SSH2: variants seen among roughly 807,000 people sequenced by gnomAD.
SSH2 encodes slingshot protein phosphatase 2.
In SSH2, 37 loss-of-function variants were observed where a neutral mutation model predicts 135.2. The ratio of observed to expected loss-of-function variants is 0.27; its 90% CI spans 0.21 to 0.36. SSH2 has a LOEUF of 0.36. SSH2 is among the 10% of genes least tolerant of loss of function. The probability of loss-of-function intolerance (pLI) is 1.00; values close to 1 mark genes in which losing one functional copy is unlikely to be tolerated. For missense variants in SSH2, 1,408 were observed against 1,765.3 expected (o/e 0.80, Z 3.63); for synonymous variants, 628 against 646.2 (o/e 0.97, Z 0.43).
At position 29,702,940 on chromosome 17, in the gene SSH2, G is replaced by A. The variant is rs776299219; in HGVS notation, c.292+19C>T. ...AGATATAGTTACCAAGAAAGAAATG[G>A]TGTATATGCAAGCATTACCTGCATG... On this transcript the variant is annotated intron_variant, in intron 4 of 15. Transcript: ENST00000540801. 2.0e-6 allele frequency: 3 copies of A among 1,537,914 alleles called. No homozygotes were observed. Among genetic ancestry groups the A allele is most frequent in the East Asian group, 2.2e-5 (1 of 44,488 alleles).
At chr17:29,654,573 T>C (rs1035306753) in intron 12 of SSH2, among the ~76,000 whole-genome samples, 3 of 152,214 alleles carry the variant, frequency 2.0e-5, no homozygotes, top group African/African-American at 7.2e-5. Flanking sequence ...TGAGTTAGCA[T>C]GGCAAATTTC....
At chr17:29,856,045 CT>C in intron 1 of SSH2, 1 of 362,152 alleles carries the variant, frequency 2.8e-6, no homozygotes, top group Non-Finnish European at 5.3e-6. Flanking sequence ...GTGCATACTC[CT>C]TTCCCCATCA....
chr17:29,908,593 G>A (rs2066699334), intron 1 of SSH2, among the ~76,000 whole-genome samples: 2 of 151,542 alleles, frequency 1.3e-5, no homozygotes, highest in Non-Finnish European at 1.5e-5. Flanking sequence ...GGTGAACCCC[G>A]TCTCTACTAA....
At chr17:29,717,994 T>G (rs1389669945) in intron 3 of SSH2, among the ~76,000 whole-genome samples, 1 of 152,144 alleles carries the variant, frequency 6.6e-6, no homozygotes, top group African/African-American at 2.4e-5. Context: ...TGGTAGAAAA[T>G]GAGACCAAAG....
intron 3 of SSH2, among the ~76,000 whole-genome samples, chr17:29,746,431 C>T (rs1375501908): frequency 1.3e-5 from 2 of 150,552 alleles, no homozygotes; most frequent in African/African-American, 4.9e-5. Context: ...GCCTGTAATC[C>T]CAGCTACTAG....
chr17:29,920,490 A>G (rs553569601), intron 1 of SSH2, among the ~76,000 whole-genome samples: 128 of 152,348 alleles, frequency 8.4e-4, no homozygotes, highest in African/African-American at 2.9e-3. Flanking sequence ...GAGACTTGCA[A>G]TGGAACTTCT....
intron 1 of SSH2, among the ~76,000 whole-genome samples, chr17:29,866,519 A>C (rs1048278923): frequency 2.6e-5 from 4 of 152,216 alleles, no homozygotes; most frequent in African/African-American, 9.7e-5. Context: ...GTTTATACAG[A>C]CAGGGAAAAG....
chr17:29,655,172 T>C (rs956406890), intron 12 of SSH2, among the ~76,000 whole-genome samples: 4 of 152,048 alleles, frequency 2.6e-5, no homozygotes, highest in African/African-American at 9.7e-5. Context: ...GGCGTGATCT[T>C]GGCTCACTGC....
At chr17:29,854,948 AAAAC>A (rs547196424) in intron 1 of SSH2, among the ~76,000 whole-genome samples, 30 of 152,206 alleles carry the variant, frequency 2.0e-4, no homozygotes, top group Admixed American at 5.2e-4. Context: ...CTCCATCTAA[AAAAC>A]AAACAAACAA....
At chr17:29,758,282 G>A (rs1202511725) in intron 3 of SSH2, among the ~76,000 whole-genome samples, 1 of 152,176 alleles carries the variant, frequency 6.6e-6, no homozygotes, top group Non-Finnish European at 1.5e-5. Context: ...TTTTATAGCG[G>A]TTAAGGGCAG....
chr17:29,799,283 A>G (rs956525450), intron 2 of SSH2, among the ~76,000 whole-genome samples: 4 of 152,216 alleles, frequency 2.6e-5, no homozygotes, highest in African/African-American at 7.2e-5. Context: ...ATATATCAAC[A>G]GTATATATAC....
chr17:29,786,392 G>A (rs1303394600), intron 3 of SSH2, among the ~76,000 whole-genome samples: 1 of 152,162 alleles, frequency 6.6e-6, no homozygotes. Flanking sequence ...TGCAAGGCAG[G>A]AAGGAACCAG....
At chr17:29,696,749 C>T (rs933193098) in intron 4 of SSH2, among the ~76,000 whole-genome samples, 2 of 149,898 alleles carry the variant, frequency 1.3e-5, no homozygotes, top group East Asian at 2.0e-4. Context: ...TGCAGTGGTG[C>T]GATCTCTGCT....
At chr17:29,766,587 C>T (rs56075527) in intron 3 of SSH2, among the ~76,000 whole-genome samples, 11,265 of 152,040 alleles carry the variant, frequency 0.074, 1,360 homozygotes, top group African/African-American at 0.25. Flanking sequence ...TCAGTATTAC[C>T]GTCTGTAGTA....
At chr17:29,750,395 T>C (rs767780736) in intron 3 of SSH2, among the ~76,000 whole-genome samples, 36 of 148,556 alleles carry the variant, frequency 2.4e-4, no homozygotes, top group Admixed American at 5.4e-4. Flanking sequence ...GCCGAGATCA[T>C]GCTACTGCAC....
At position 29,814,086 on chromosome 17, in the gene SSH2, C is replaced by T. The variant is rs183845704; in HGVS notation, c.145-20149G>A. Reference sequence around the variant, plus strand: ...CGGAGGTTGCAGTGAGCTGAGATGGCGCCACTGCACTCCAGCCTGGGGGAC... The same window carrying T: ...CGGAGGTTGCAGTGAGCTGAGATGGTGCCACTGCACTCCAGCCTGGGGGAC... On this transcript the variant is annotated intron_variant, in intron 2 of 15. Transcript: ENST00000540801. Among the ~76,000 whole-genome samples the T allele has an allele frequency of 3.0e-4, 38 of 125,214 alleles. No individual in the cohort carries two copies. In the East Asian group the frequency reaches 6.0e-3, roughly 20 times the overall value. The allele number at this position is 125,214 out of a possible 152,430, so 82.1% of individuals were successfully genotyped here.
chr17:29,770,265 C>T (rs1047148992), intron 3 of SSH2, among the ~76,000 whole-genome samples: 6 of 151,470 alleles, frequency 4.0e-5, no homozygotes, highest in Admixed American at 3.9e-4. Context: ...CGAGCCACCA[C>T]CCCCGGCTAA....
At chr17:29,766,749 C>T (rs537785335) in intron 3 of SSH2, among the ~76,000 whole-genome samples, 4 of 151,808 alleles carry the variant, frequency 2.6e-5, no homozygotes, top group African/African-American at 7.3e-5. Flanking sequence ...TCTAAGGGCT[C>T]GATGTAGAAA....
At chr17:29,706,619 C>T (rs1231657065) in intron 3 of SSH2, among the ~76,000 whole-genome samples, 2 of 152,196 alleles carry the variant, frequency 1.3e-5, no homozygotes, top group Non-Finnish European at 2.9e-5. Flanking sequence ...GAAATTCACA[C>T]TTTTGCCAAC....
Sources: gnomAD v4.1 joint callset for allele counts (sites outside exome capture counted in the v4.1 genomes callset) on GRCh38, gnomAD v4.1.1 for gene constraint, MANE v1.5 for transcripts, NCBI Gene and HGNC (gene_info 2026-07-23, HGNC 2026-07-21) for gene names.